Variants in CELSR1 observed in about 807,000 individuals in gnomAD.
CELSR1 encodes the protein cadherin EGF LAG seven-pass G-type receptor 1, also known as adhesion G protein-coupled receptor C1.
CELSR1 carries 110 observed loss-of-function variants against 249.1 expected under a neutral mutation model. The ratio of observed to expected loss-of-function variants is 0.44; its 90% CI spans 0.38 to 0.52. CELSR1 has a LOEUF of 0.52. CELSR1 is among the 20% of genes least tolerant of loss of function. The probability of loss-of-function intolerance (pLI) is 0.00; values close to 1 mark genes in which losing one functional copy is unlikely to be tolerated. For synonymous variants in CELSR1, 2,113 were observed against 1,900.0 expected (o/e 1.11, Z -2.92); for missense variants, 4,109 against 4,296.4 (o/e 0.96, Z 1.22).
chr22:46,519,463 G>A (rs1375541053), intron 1 of CELSR1, among the ~76,000 whole-genome samples: 1 of 152,228 alleles, frequency 6.6e-6, no homozygotes, highest in Non-Finnish European at 1.5e-5. Flanking sequence ...ACAGAGCACA[G>A]GGCTACGATT....
In CELSR1 at chr22:46,410,963, T is replaced by G. The variant is rs911779347; in HGVS notation, c.4770-402A>C. 2.0e-5 allele frequency among the ~76,000 whole-genome samples: 3 copies of G among 151,984 alleles called. No homozygotes were observed. On this transcript the variant is annotated intron_variant, in intron 6 of 34. Coordinates refer to ENST00000674500, the MANE Select transcript of CELSR1 (RefSeq NM_001378328.1). The surrounding 1 kb of genome is among the most constrained non-coding windows in gnomAD (Gnocchi z 6.8). ...CCAGAAGAAAATGAGAACCCAGCACTTTGGGAGGCTGAGGCGGGCAGATCA... is the reference window on the plus strand; with the variant it reads ...CCAGAAGAAAATGAGAACCCAGCACGTTGGGAGGCTGAGGCGGGCAGATCA...
Position 46,390,551 on chromosome 22 carries a change from C to T in CELSR1, c.6251-65G>A. On this transcript the variant is annotated intron_variant, in intron 16 of 34. Coordinates refer to ENST00000674500, the MANE Select transcript of CELSR1 (RefSeq NM_001378328.1). The surrounding 1 kb of genome is among the most constrained non-coding windows in gnomAD (Gnocchi z 6.3). ...ACTGTTGATCAATGCTTGTGTATTT[C>T]AATCCACAATCTGAATATACTTAAA... is the stretch of plus-strand genomic sequence containing the variant. The T allele has an allele frequency of 7.8e-7, 1 of 1,281,636 alleles. No individual in the cohort carries two copies. The highest frequency in any genetic ancestry group is 1.1e-6 in the Non-Finnish European group (1 of 894,044). The allele number at this position is 1,281,636 out of a possible 1,614,324, so 79.4% of individuals were successfully genotyped here.
rs573350953 is a variant in CELSR1 at position 46,412,264 on chromosome 22, T to A, written c.4612-505A>T. 6.6e-6 allele frequency among the ~76,000 whole-genome samples: 1 copy of A among 152,268 alleles called. No individual in the cohort carries two copies. Among genetic ancestry groups the A allele is most frequent in the South Asian group, 2.1e-4 (1 of 4,820 alleles). On this transcript the variant is annotated intron_variant, in intron 5 of 34. Transcript: ENST00000674500. This position sits in a 1 kb window ranked among gnomAD's most constrained non-coding sequence, Gnocchi z 4.5. ...GCGCCTTGACTTCTAGGCACCAGAC[T>A]GAGAGAGAATCATGTCTGTTGTTTG...
At chr22:46,462,003 C>T (rs1170385622) in intron 2 of CELSR1, among the ~76,000 whole-genome samples, 1 of 152,224 alleles carries the variant, frequency 6.6e-6, no homozygotes, top group Non-Finnish European at 1.5e-5. Flanking sequence ...ACTGAAAGAG[C>T]AGAGGAGGGG....
At chr22:46,522,266 C>T (rs775182247) in intron 1 of CELSR1, among the ~76,000 whole-genome samples, 2 of 152,176 alleles carry the variant, frequency 1.3e-5, no homozygotes, top group Non-Finnish European at 2.9e-5. Context: ...GCTGAGACTA[C>T]AGGTTCATGC....
rs1469888149 is a variant in CELSR1, at chr22:46,369,798, G to A, written c.7766C>T (p.Ala2589Val). Residue 2589 changes from alanine (A) to valine (V), a missense_variant, in exon 26 of 35, where the codon GCG becomes GTG. Ala to Val is a moderately conservative substitution (Grantham distance 64). This residue lies in a region of CELSR1 where 1,805 missense variants were observed against 1,831.6 expected (regional missense o/e 0.99). Coordinates refer to ENST00000674500, the MANE Select transcript of CELSR1 (RefSeq NM_001378328.1). ...WGIPAIVTGL[A>V]VGLDPQGYGN... Reference sequence around the variant, plus strand: ...GTAGCCCTGGGGGTCCAGGCCGACCGCCAGTCCTGAACACAGCGGGGAGGA... The same window carrying A: ...GTAGCCCTGGGGGTCCAGGCCGACCACCAGTCCTGAACACAGCGGGGAGGA... 6.8e-6 allele frequency: 11 copies of A among 1,612,784 alleles called. No homozygotes were observed. Among genetic ancestry groups the A allele is most frequent in the South Asian group, 1.1e-5 (1 of 91,068 alleles).
rs892148294 is a variant in CELSR1, at chr22:46,399,031, C to T, written c.5413-394G>A. 1.3e-5 allele frequency among the ~76,000 whole-genome samples: 2 copies of T among 152,184 alleles called. No homozygotes were observed. Among genetic ancestry groups the T allele is most frequent in the African/African-American group, 4.8e-5 (2 of 41,460 alleles). On this transcript the variant is annotated intron_variant, in intron 10 of 34. Transcript: ENST00000674500. The surrounding 1 kb of genome is among the most constrained non-coding windows in gnomAD (Gnocchi z 5.0). The stretch of plus-strand genomic sequence containing the variant: ...ACACTGTGGGAACCCAAGAGGGTCT[C>T]GGCTGAGATCCAGTCCCAGAAAGGC...
Position 46,445,881 on chromosome 22 carries a change from G to A in CELSR1, c.4184-6470C>T, listed in dbSNP as rs1302541026. Among the ~76,000 whole-genome samples the A allele has an allele frequency of 5.3e-5, 8 of 152,174 alleles. No homozygotes were observed. Among genetic ancestry groups the A allele is most frequent in the Non-Finnish European group, 1.0e-4 (7 of 68,016 alleles). ...CAGCTCATCCTCCCACCCAGCCAGGGAGAGGTGGAGTCCTCACTGCAACCC... is the reference window on the plus strand; with the variant it reads ...CAGCTCATCCTCCCACCCAGCCAGGAAGAGGTGGAGTCCTCACTGCAACCC... On this transcript the variant is annotated intron_variant, in intron 2 of 34. Transcript: ENST00000674500. This position sits in a 1 kb window ranked among gnomAD's most constrained non-coding sequence, Gnocchi z 4.4.
rs567365441 is a variant in CELSR1 at position 46,381,996 on chromosome 22, G to C, written c.6938C>G (p.Pro2313Arg). Residue 2313 changes from proline to arginine, a missense_variant, in exon 21 of 35, where the codon CCG becomes CGG. This residue lies in a region of CELSR1 where 1,805 missense variants were observed against 1,831.6 expected (regional missense o/e 0.99). Transcript: ENST00000674500. This position sits in a 1 kb window ranked among gnomAD's most constrained non-coding sequence, Gnocchi z 6.0. ...GRRTTPQTTR[P>R]GPGTEREAPI... The stretch of plus-strand genomic sequence containing the variant: ...GGCCTCCCTCTCGGTGCCAGGCCCC[G>C]GGCGCGTGGTCTGCGGGGTGGTCCT... 1.3e-6 allele frequency: 2 copies of C among 1,564,186 alleles called. No homozygotes were observed. The highest frequency in any genetic ancestry group is 1.7e-6 in the Non-Finnish European group (2 of 1,156,764).
Position 46,430,402 on chromosome 22 carries a change from T to C in CELSR1, c.4611+2991A>G, listed in dbSNP as rs754190. 0.38 allele frequency among the ~76,000 whole-genome samples: 57,994 copies of C among 152,004 alleles called. 15,613 individuals are homozygous for C. Among genetic ancestry groups the C allele is most frequent in the African/African-American group, 0.77 (31,749 of 41,414 alleles). On this transcript the variant is annotated intron_variant, in intron 5 of 34. Coordinates refer to ENST00000674500, the MANE Select transcript of CELSR1 (RefSeq NM_001378328.1). The surrounding 1 kb of genome is among the most constrained non-coding windows in gnomAD (Gnocchi z 4.6). ...GGGCGGGGCAGGGGGGATGACCGTCTGCATCAGCCAAGGCAGGCAGGGACG... is the reference window on the plus strand; with the variant it reads ...GGGCGGGGCAGGGGGGATGACCGTCCGCATCAGCCAAGGCAGGCAGGGACG...
intron 1 of CELSR1, among the ~76,000 whole-genome samples, chr22:46,513,814 C>T (rs6008885): frequency 0.18 from 27,175 of 151,990 alleles, 3,425 homozygotes; most frequent in African/African-American, 0.36. Flanking sequence ...TGTTTTGAGA[C>T]GGAGTCTTGC....
At chr22:46,451,916 G>A (rs544009155) in intron 2 of CELSR1, among the ~76,000 whole-genome samples, 2 of 152,308 alleles carry the variant, frequency 1.3e-5, no homozygotes, top group Admixed American at 1.3e-4. Flanking sequence ...TGAGCGCAGA[G>A]GGAGATGAGA....
chr22:46,509,590 T>C (rs2080551724), intron 1 of CELSR1, among the ~76,000 whole-genome samples: 1 of 28,152 alleles, frequency 3.6e-5, no homozygotes, highest in Admixed American at 4.1e-4. Flanking sequence ...AGGTCACTGC[T>C]CTGTACCCAG....
chr22:46,386,618 T>C (rs1472839183), intron 18 of CELSR1, 33 bp from the exon 19 acceptor site: 1 of 1,515,686 alleles, frequency 6.6e-7, no homozygotes, highest in Non-Finnish European at 8.8e-7. Context: ...GTACTCAGCC[T>C]GCGGAGGCCT....
At position 46,391,685 on chromosome 22, in the gene CELSR1, C is replaced by T. The variant is rs1364132944; in HGVS notation, c.6096G>A (p.Gln2032=). 1 of 1,609,578 alleles carries T rather than the reference C, an allele frequency of 6.2e-7. No homozygotes were observed. Among genetic ancestry groups the T allele is most frequent in the Non-Finnish European group, 8.5e-7 (1 of 1,179,348 alleles). Residue 2032 remains glutamine, a synonymous_variant, in exon 15 of 35, where the codon CAG becomes CAA. Transcript: ENST00000674500. The surrounding 1 kb of genome is among the most constrained non-coding windows in gnomAD (Gnocchi z 4.3). ...CACKPGVIGR[Q]CNRCDNPFAE... The stretch of plus-strand genomic sequence containing the variant: ...CAAACGGGTTGTCGCAGCGGTTGCA[C>T]TGGCGGCCGATGACGCCGGGCTTGC...
chr22:46,455,661 C>G (rs2079940024), intron 2 of CELSR1, among the ~76,000 whole-genome samples: 1 of 152,170 alleles, frequency 6.6e-6, no homozygotes. Flanking sequence ...TTACAGCAGC[C>G]CCAGGAAGCT....
intron 2 of CELSR1, among the ~76,000 whole-genome samples, chr22:46,450,004 G>T (rs1372566490): frequency 7.9e-6 from 1 of 126,414 alleles, no homozygotes; most frequent in East Asian, 2.1e-4. Flanking sequence ...ACACACAGGG[G>T]TTCCCACCGC....
At chr22:46,442,147 T>C (rs2079758071) in intron 2 of CELSR1, among the ~76,000 whole-genome samples, 1 of 152,158 alleles carries the variant, frequency 6.6e-6, no homozygotes, top group African/African-American at 2.4e-5. Flanking sequence ...AAACTCCGTC[T>C]CAAACAAACA....
In CELSR1 at chr22:46,481,629, G is replaced by A. The variant is rs115569937; in HGVS notation, c.3545-17284C>T. 1,516 of 685,576 alleles carry A rather than the reference G, an allele frequency of 2.2e-3. 16 individuals carry two copies. The African/African-American group carries it at 0.024, about 11-fold the overall frequency. The allele number at this position is 685,576 out of a possible 1,614,324, so 42.5% of individuals were successfully genotyped here. A position where few individuals can be genotyped will look rare whatever the true frequency, so the allele number is the denominator to read the frequency against. Reference sequence around the variant, plus strand: ...TGGAGGCCTGACTGTCCTCACAACAGCTGGTGCTGCACCAGAACATGAGAC... The same window carrying A: ...TGGAGGCCTGACTGTCCTCACAACAACTGGTGCTGCACCAGAACATGAGAC... On this transcript the variant is annotated intron_variant, in intron 1 of 34. Coordinates refer to ENST00000674500, the MANE Select transcript of CELSR1 (RefSeq NM_001378328.1).
Sources: gnomAD v4.1 joint callset for allele counts (sites outside exome capture counted in the v4.1 genomes callset) on GRCh38, gnomAD v4.1.1 for gene constraint, gnomAD v4.1.1 regional missense constraint, Gnocchi (gnomAD v3.1) non-coding constraint, MANE v1.5 for transcripts, NCBI Gene and HGNC (gene_info 2026-07-23, HGNC 2026-07-21) for gene names.